Variants in THEMIS observed in about 807,000 individuals in gnomAD.
THEMIS encodes the protein thymocyte selection associated, also known as protein THEMIS.
Under a neutral mutation model 52.6 loss-of-function variants are expected in THEMIS, and 37 were observed. That is an observed-to-expected ratio of 0.70 (90% CI 0.54 to 0.93). The LOEUF (loss-of-function observed/expected upper bound fraction) is 0.93, where lower values mean the gene tolerates loss of function less well. Ranked by LOEUF, THEMIS falls within the 40% of genes least tolerant of loss-of-function variation. The probability of loss-of-function intolerance (pLI) is 0.00; values close to 1 mark genes in which losing one functional copy is unlikely to be tolerated. For synonymous variants in THEMIS, 292 were observed against 272.7 expected (o/e 1.07, Z -0.70); for missense variants, 808 against 763.1 (o/e 1.06, Z -0.69).
At chr6:127,729,858 TA>T (rs1699134682) in intron 4 of THEMIS, among the ~76,000 whole-genome samples, 2 of 152,198 alleles carry the variant, frequency 1.3e-5, no homozygotes, top group Non-Finnish European at 2.9e-5. Flanking sequence ...ACAGGAAAAG[TA>T]TATTGTTAAT....
At chr6:127,775,083 C>G (rs765971850) in intron 4 of THEMIS, among the ~76,000 whole-genome samples, 9 of 152,154 alleles carry the variant, frequency 5.9e-5, no homozygotes, top group Non-Finnish European at 8.8e-5. Flanking sequence ...TCACCTGGCT[C>G]AGGAGGCAGG....
At chr6:127,861,880 T>G (rs1367149193) in intron 1 of THEMIS, among the ~76,000 whole-genome samples, 1 of 151,008 alleles carries the variant, frequency 6.6e-6, no homozygotes, top group Non-Finnish European at 1.5e-5. Context: ...TAATAAGACA[T>G]TTGGAGGTCA....
intron 4 of THEMIS, among the ~76,000 whole-genome samples, chr6:127,754,948 A>G (rs1326100160): frequency 2.0e-5 from 3 of 152,194 alleles, no homozygotes; most frequent in Non-Finnish European, 2.9e-5. Context: ...AATTATTGCA[A>G]TGCATTGGAG....
chr6:127,874,053 G>A (rs1780238429), intron 1 of THEMIS, among the ~76,000 whole-genome samples: 1 of 152,162 alleles, frequency 6.6e-6, no homozygotes, highest in Non-Finnish European at 1.5e-5. Context: ...GTAGCACTTT[G>A]TAGGTCTCAT....
At chr6:127,761,738 C>T (rs2114390409) in intron 4 of THEMIS, among the ~76,000 whole-genome samples, 1 of 152,096 alleles carries the variant, frequency 6.6e-6, no homozygotes, top group Admixed American at 6.6e-5. Flanking sequence ...ATAAATCTTT[C>T]TCTTTCTCTT....
intron 1 of THEMIS, among the ~76,000 whole-genome samples, chr6:127,918,001 A>C (rs530032650): frequency 3.3e-5 from 5 of 152,140 alleles, no homozygotes; most frequent in African/African-American, 1.2e-4. Context: ...TAATCAATAC[A>C]CTGTAGTAAA....
At chr6:127,888,933 T>C (rs1780724169) in intron 1 of THEMIS, among the ~76,000 whole-genome samples, 1 of 152,128 alleles carries the variant, frequency 6.6e-6, no homozygotes, top group Non-Finnish European at 1.5e-5. Flanking sequence ...TTGAAGTTGA[T>C]AATAACTTCA....
chr6:127,912,616 C>T lies in THEMIS; in HGVS notation c.-150+5812G>A, dbSNP rs186354429. Among the ~76,000 whole-genome samples, 118 of 152,246 alleles carry T rather than the reference C, an allele frequency of 7.8e-4. 1 individual carries two copies. Among genetic ancestry groups the T allele is most frequent in the African/African-American group, 2.7e-3 (114 of 41,534 alleles). On this transcript the variant is annotated intron_variant, in intron 1 of 6. Coordinates refer to the THEMIS transcript ENST00000368250. ...TTTAGACCCAGGGATGACTTGTAACCAGAATTGGTCTGAGAAGTGCCATGA... is the reference window on the plus strand; with the variant it reads ...TTTAGACCCAGGGATGACTTGTAACTAGAATTGGTCTGAGAAGTGCCATGA...
At chr6:127,846,031 A>C (rs2114710086) in intron 2 of THEMIS, among the ~76,000 whole-genome samples, 1 of 152,066 alleles carries the variant, frequency 6.6e-6, no homozygotes. Flanking sequence ...TGTTGACAGA[A>C]TGTTCCCAAA....
chr6:127,713,338 A>G (rs1322514314), intron 5 of THEMIS, among the ~76,000 whole-genome samples: 1 of 151,882 alleles, frequency 6.6e-6, no homozygotes, highest in African/African-American at 2.4e-5. Context: ...CTGTTTTTGC[A>G]TACAGAAAAT....
chr6:127,764,258 CCA>C (rs1776118468), intron 4 of THEMIS, among the ~76,000 whole-genome samples: 1 of 151,770 alleles, frequency 6.6e-6, no homozygotes, highest in Non-Finnish European at 1.5e-5. Flanking sequence ...GTATTTTTTT[CCA>C]CAGTCATTTG....
At chr6:127,759,860 T>TCCG (rs1775962293) in intron 4 of THEMIS, among the ~76,000 whole-genome samples, 1 of 95,152 alleles carries the variant, frequency 1.1e-5, no homozygotes. Flanking sequence ...CCCTCCCTCC[T>TCCG]TCCTTCCTTC....
At chr6:127,855,328 C>CA (rs1353055611) in intron 1 of THEMIS, 140 bp from the exon 2 acceptor site, 2 of 659,354 alleles carry the variant, frequency 3.0e-6, no homozygotes, top group Non-Finnish European at 2.4e-6. Context: ...TCAAGCTTGG[C>CA]AAAATGTACA....
intron 4 of THEMIS, among the ~76,000 whole-genome samples, chr6:127,731,118 T>C (rs1454482637): frequency 1.3e-5 from 2 of 152,238 alleles, no homozygotes; most frequent in African/African-American, 2.4e-5. Flanking sequence ...TTATAATTTC[T>C]TTGCTGCAAT....
intron 4 of THEMIS, among the ~76,000 whole-genome samples, chr6:127,734,316 G>C (rs1201189887): frequency 6.6e-6 from 1 of 152,088 alleles, no homozygotes; most frequent in East Asian, 1.9e-4. Context: ...ATTTGCTGAA[G>C]AATTTGCTGA....
chr6:127,878,591 A>G (rs1285073027), intron 1 of THEMIS, among the ~76,000 whole-genome samples: 1 of 152,242 alleles, frequency 6.6e-6, no homozygotes, highest in Non-Finnish European at 1.5e-5. Flanking sequence ...TCGACCAAAA[A>G]TAACCAAATT....
intron 4 of THEMIS, among the ~76,000 whole-genome samples, chr6:127,729,135 A>C (rs1774655960): frequency 1.6e-5 from 2 of 127,938 alleles, no homozygotes; most frequent in Non-Finnish European, 3.1e-5. Flanking sequence ...CCCTTTACCA[A>C]TTTATTCTCT....
At chr6:127,875,039 G>A (rs2114400067) in intron 1 of THEMIS, among the ~76,000 whole-genome samples, 1 of 152,322 alleles carries the variant, frequency 6.6e-6, no homozygotes, top group East Asian at 1.9e-4. Flanking sequence ...AGGGGATCTA[G>A]GTTGTGTGCT....
intron 1 of THEMIS, among the ~76,000 whole-genome samples, chr6:127,868,180 T>C (rs968539461): frequency 5.9e-5 from 9 of 152,144 alleles, no homozygotes; most frequent in Non-Finnish European, 1.3e-4. Context: ...TTTACGTGCA[T>C]AGCCCCGCCC....
Sources: gnomAD v4.1 joint callset for allele counts (sites outside exome capture counted in the v4.1 genomes callset) on GRCh38, gnomAD v4.1.1 for gene constraint, MANE v1.5 for transcripts, NCBI Gene and HGNC (gene_info 2026-07-23, HGNC 2026-07-21) for gene names.